PLCL2: variants seen among roughly 807,000 people sequenced by gnomAD.
The protein encoded by PLCL2 is inactive phospholipase C-like protein 2.
Under a neutral mutation model 79.6 loss-of-function variants are expected in PLCL2, and 4 were observed. The observed-to-expected ratio is 0.05, with a 90% CI of 0.02 to 0.11. The LOEUF (loss-of-function observed/expected upper bound fraction) is 0.11, where lower values mean the gene tolerates loss of function less well. Ranked by LOEUF, PLCL2 falls within the 10% of genes least tolerant of loss-of-function variation. PLCL2 has a pLI of 1.00. For missense variants in PLCL2, 895 were observed against 1,291.0 expected (o/e 0.69, Z 4.70); for synonymous variants, 484 against 457.7 (o/e 1.06, Z -0.73).
At chr3:17,043,098 T>C in intron 4 of PLCL2, 149 bp downstream of exon 4, 1 of 597,678 alleles carries the variant, frequency 1.7e-6, no homozygotes, top group East Asian at 3.0e-5. Context: ...AATTCAGTGG[T>C]TCTCAGCCTT....
chr3:16,948,001 C>G (rs938765346), intron 1 of PLCL2, among the ~76,000 whole-genome samples: 2 of 152,184 alleles, frequency 1.3e-5, no homozygotes, highest in Non-Finnish European at 2.9e-5. Flanking sequence ...GTCCTCCTTT[C>G]TAAATCATCC....
At chr3:16,961,306 A>G (rs2063752312) in intron 1 of PLCL2, among the ~76,000 whole-genome samples, 1 of 152,132 alleles carries the variant, frequency 6.6e-6, no homozygotes, top group African/African-American at 2.4e-5. Flanking sequence ...TCATTTATTT[A>G]TTTATTCAGC....
chr3:17,086,945 A>G (rs1195450379), intron 5 of PLCL2, among the ~76,000 whole-genome samples: 1 of 152,228 alleles, frequency 6.6e-6, no homozygotes, highest in Non-Finnish European at 1.5e-5. Context: ...TAAAACAACA[A>G]TGAGATACCA....
chr3:16,895,009 T>C (rs978368558), intron 1 of PLCL2, among the ~76,000 whole-genome samples: 1 of 152,058 alleles, frequency 6.6e-6, no homozygotes, highest in Non-Finnish European at 1.5e-5. Context: ...ATATATATGT[T>C]TTGTGATATA....
intron 1 of PLCL2, among the ~76,000 whole-genome samples, chr3:16,916,597 A>G (rs1697000923): frequency 6.6e-6 from 1 of 152,212 alleles, no homozygotes; most frequent in African/African-American, 2.4e-5. Flanking sequence ...AAGTAAATTA[A>G]TACCATCCAT....
intron 4 of PLCL2, among the ~76,000 whole-genome samples, chr3:17,055,874 T>C (rs528777839): frequency 3.3e-5 from 5 of 152,320 alleles, no homozygotes; most frequent in South Asian, 2.1e-4. Flanking sequence ...AGCTGTGTGA[T>C]TGAATGACAG....
chr3:17,024,510 T>G (rs560191511), intron 3 of PLCL2, among the ~76,000 whole-genome samples: 2 of 152,182 alleles, frequency 1.3e-5, no homozygotes, highest in African/African-American at 4.8e-5. Flanking sequence ...TTAAATTGTG[T>G]AATTATTTTT....
chr3:16,930,933 A>G (rs1235111827), intron 1 of PLCL2, among the ~76,000 whole-genome samples: 2 of 152,114 alleles, frequency 1.3e-5, no homozygotes, highest in East Asian at 3.9e-4. Context: ...TCCATTTTCC[A>G]AGATGATATT....
At position 17,090,045 on chromosome 3, in the gene PLCL2, G is replaced by A; in HGVS notation, c.*133G>A. The A allele has an allele frequency of 7.1e-7, 1 of 1,411,712 alleles. No homozygotes were observed. The highest frequency in any genetic ancestry group is 9.3e-7 in the Non-Finnish European group (1 of 1,080,632). The allele number at this position is 1,411,712 out of a possible 1,614,324, so 87.4% of individuals were successfully genotyped here. On this transcript the variant is annotated 3_prime_UTR_variant, in exon 6 of 6. Coordinates refer to ENST00000615277, the MANE Select transcript of PLCL2 (RefSeq NM_001144382.2). ...AGCACAACTGGAATAGCTAATTACA[G>A]TCTATTAAAACTGTGAATGTATGTA...
chr3:16,976,405 AT>A (rs1322391303), intron 1 of PLCL2, among the ~76,000 whole-genome samples: 1 of 152,140 alleles, frequency 6.6e-6, no homozygotes, highest in Non-Finnish European at 1.5e-5. Flanking sequence ...GATTTTCTGT[AT>A]TTCATCTGGA....
intron 1 of PLCL2, among the ~76,000 whole-genome samples, chr3:16,948,446 T>C (rs1339753322): frequency 6.6e-6 from 1 of 152,142 alleles, no homozygotes; most frequent in Non-Finnish European, 1.5e-5. Context: ...AAATTGATTA[T>C]GGTGATGATT....
intron 3 of PLCL2, among the ~76,000 whole-genome samples, chr3:17,037,946 C>T (rs934343964): frequency 2.6e-5 from 4 of 152,078 alleles, no homozygotes; most frequent in Non-Finnish European, 4.4e-5. Context: ...TAACCCTTCT[C>T]ATAGCTGTAT....
chr3:17,083,368 G>C (rs1204410136), intron 5 of PLCL2, among the ~76,000 whole-genome samples: 1 of 152,190 alleles, frequency 6.6e-6, no homozygotes, highest in Non-Finnish European at 1.5e-5. Context: ...TTGGACTAGA[G>C]AGGACCTGAT....
Position 16,923,352 on chromosome 3 carries a change from A to C in PLCL2, c.327+37986A>C, listed in dbSNP as rs1697168144. 2.6e-5 allele frequency among the ~76,000 whole-genome samples: 4 copies of C among 152,372 alleles called. No homozygotes were observed. The South Asian group carries it at 8.3e-4, about 32-fold the overall frequency. ...GAGAGGGGAAGACGAGGGAGGTTGC[A>C]GCACAGCTGCAAAAGGAGCAAGAGA... On this transcript the variant is annotated intron_variant, in intron 1 of 5. Coordinates refer to ENST00000615277, the MANE Select transcript of PLCL2 (RefSeq NM_001144382.2).
chr3:16,969,646 G>A (rs1339949720), intron 1 of PLCL2, among the ~76,000 whole-genome samples: 1 of 151,828 alleles, frequency 6.6e-6, no homozygotes, highest in Non-Finnish European at 1.5e-5. Flanking sequence ...TTCTCTATTA[G>A]TCTAGCTAGC....
chr3:17,062,925 G>A (rs550216879), intron 4 of PLCL2, among the ~76,000 whole-genome samples: 3 of 152,090 alleles, frequency 2.0e-5, no homozygotes, highest in East Asian at 2.0e-4. Context: ...CCTTGACACC[G>A]TCCTGAATCT....
At chr3:16,925,165 C>T (rs550474598) in intron 1 of PLCL2, among the ~76,000 whole-genome samples, 94 of 151,632 alleles carry the variant, frequency 6.2e-4, no homozygotes, top group Non-Finnish European at 2.5e-4. Flanking sequence ...CCTCGTGATC[C>T]GCCCACCTCA....
intron 5 of PLCL2, among the ~76,000 whole-genome samples, chr3:17,074,534 T>C (rs984806203): frequency 6.6e-6 from 1 of 152,180 alleles, no homozygotes; most frequent in African/African-American, 2.4e-5. Context: ...TATCAAACTG[T>C]CCTTTGAACC....
chr3:17,042,153 T>A (rs1434324871), intron 3 of PLCL2, among the ~76,000 whole-genome samples: 1 of 152,172 alleles, frequency 6.6e-6, no homozygotes, highest in Non-Finnish European at 1.5e-5. Context: ...GCTATCCCAT[T>A]TCCTTTTCAT....
Sources: gnomAD v4.1 joint callset for allele counts (sites outside exome capture counted in the v4.1 genomes callset) on GRCh38, gnomAD v4.1.1 for gene constraint, MANE v1.5 for transcripts, NCBI Gene and HGNC (gene_info 2026-07-23, HGNC 2026-07-21) for gene names.